Variants in CATSPERT observed in about 807,000 individuals in gnomAD.
CATSPERT encodes the protein cation channel sperm-associated targeting subunit tau.
the CATSPERT span, among the ~76,000 whole-genome samples, chr2:201,594,708 T>C: frequency 6.6e-6 from 1 of 151,990 alleles, no homozygotes. Flanking sequence ...AAACTTCCCT[T>C]CTCACTTCAT....
chr2:201,579,673 T>A, the CATSPERT span, among the ~76,000 whole-genome samples: 1 of 151,760 alleles, frequency 6.6e-6, no homozygotes, highest in Non-Finnish European at 1.5e-5. Context: ...CCATCTTTGG[T>A]GCGTTTTGGT....
chr2:201,489,448 A>C, the CATSPERT span, among the ~76,000 whole-genome samples: 15 of 152,302 alleles, frequency 9.8e-5, no homozygotes, highest in African/African-American at 3.4e-4. Flanking sequence ...TTCCGAATTT[A>C]GATAGAAAAG....
At chr2:201,614,459 A>G in the CATSPERT span, among the ~76,000 whole-genome samples, 1 of 152,214 alleles carries the variant, frequency 6.6e-6, no homozygotes. Flanking sequence ...CAGCCAAACT[A>G]AACTTCATAA....
the CATSPERT span, chr2:201,571,848 A>T: frequency 1.7e-6 from 2 of 1,183,238 alleles, no homozygotes; most frequent in African/African-American, 1.5e-5. Flanking sequence ...GGGACTTCTT[A>T]AAATAACTCC....
At chr2:201,556,433 C>T in the CATSPERT span, among the ~76,000 whole-genome samples, 1 of 150,002 alleles carries the variant, frequency 6.7e-6, no homozygotes, top group South Asian at 2.1e-4. Flanking sequence ...GGCGTGAACC[C>T]GGGAGGCGGA....
chr2:201,528,580 A>AT, the CATSPERT span, among the ~76,000 whole-genome samples: 8 of 152,180 alleles, frequency 5.3e-5, no homozygotes, highest in Middle Eastern at 3.2e-3. Context: ...TGATGCAACT[A>AT]TAAAAAAAAA....
chr2:201,591,335 T>C, the CATSPERT span, among the ~76,000 whole-genome samples: 4 of 152,350 alleles, frequency 2.6e-5, no homozygotes, highest in African/African-American at 4.8e-5. Flanking sequence ...CTCTGTTCCA[T>C]TGATCTATAT....
chr2:201,516,659 A>G, the CATSPERT span, among the ~76,000 whole-genome samples: 1 of 152,186 alleles, frequency 6.6e-6, no homozygotes, highest in South Asian at 2.1e-4. Flanking sequence ...TTGAATTGGC[A>G]GAGAGCCCTA....
the CATSPERT span, chr2:201,491,996 T>C: frequency 2.0e-5 from 30 of 1,536,866 alleles, no homozygotes; most frequent in Non-Finnish European, 2.4e-5. Context: ...GGTTGTACTT[T>C]GATTAAACTT....
At chr2:201,559,325 C>T in the CATSPERT span, among the ~76,000 whole-genome samples, 1 of 152,228 alleles carries the variant, frequency 6.6e-6, no homozygotes, top group African/African-American at 2.4e-5. Flanking sequence ...AGCTTTGCAC[C>T]TGCATCCCAG....
chr2:201,595,106 G>T, the CATSPERT span, among the ~76,000 whole-genome samples: 1 of 151,690 alleles, frequency 6.6e-6, no homozygotes, highest in Non-Finnish European at 1.5e-5. Context: ...CATCTTTGTG[G>T]TTTTATCTAC....
chr2:201,604,554 T>C, the CATSPERT span: 1 of 1,186,288 alleles, frequency 8.4e-7, no homozygotes, highest in Non-Finnish European at 1.2e-6. Context: ...GCATATACTG[T>C]TTGATTATCA....
At chr2:201,494,699 CT>C in the CATSPERT span, 2 of 1,533,038 alleles carry the variant, frequency 1.3e-6, no homozygotes, top group Non-Finnish European at 1.7e-6. Flanking sequence ...CTTTTTCTGA[CT>C]GACATTTTGT....
At chr2:201,523,334 T>C in the CATSPERT span, among the ~76,000 whole-genome samples, 1 of 152,216 alleles carries the variant, frequency 6.6e-6, no homozygotes, top group Admixed American at 6.5e-5. Flanking sequence ...GCAGTGTGCC[T>C]GGTGCTAGGC....
the CATSPERT span, among the ~76,000 whole-genome samples, chr2:201,581,542 A>ATGTG: frequency 2.4e-5 from 1 of 40,968 alleles, no homozygotes; most frequent in African/African-American, 1.1e-4. Flanking sequence ...CTGGAAAAAA[A>ATGTG]TGTGTGTATA....
chr2:201,527,522 C>T, the CATSPERT span, among the ~76,000 whole-genome samples: 2 of 152,122 alleles, frequency 1.3e-5, no homozygotes, highest in Non-Finnish European at 2.9e-5. Flanking sequence ...TACAAGGTTA[C>T]AGTAACCAAA....
At chr2:201,607,809 T>TG in the CATSPERT span, among the ~76,000 whole-genome samples, 1 of 152,216 alleles carries the variant, frequency 6.6e-6, no homozygotes, top group Non-Finnish European at 1.5e-5. Flanking sequence ...TCATTGTATT[T>TG]GGAGATAGGA....
At chr2:201,571,549 T>A in the CATSPERT span, among the ~76,000 whole-genome samples, 18 of 152,158 alleles carry the variant, frequency 1.2e-4, no homozygotes, top group African/African-American at 4.3e-4. Flanking sequence ...AGGGTAACAT[T>A]ACTATACCGC....
the CATSPERT span, among the ~76,000 whole-genome samples, chr2:201,528,976 G>T: frequency 1.3e-5 from 2 of 151,904 alleles, no homozygotes; most frequent in East Asian, 3.9e-4. Context: ...AGCTAAAAAA[G>T]AAATCAAGGA....
Sources: allele counts gnomAD v4.1 joint callset (sites outside exome capture counted in the v4.1 genomes callset), GRCh38; gene constraint gnomAD v4.1.1; transcripts MANE v1.5; gene names NCBI Gene and HGNC (gene_info 2026-07-23, HGNC 2026-07-21).